The following IFRD1 variants were observed in gnomAD, a reference collection of about 807,000 sequenced individuals.
The protein encoded by IFRD1 is interferon related developmental regulator 1.
Under a neutral mutation model 52.9 loss-of-function variants are expected in IFRD1, and 35 were observed. The ratio of observed to expected loss-of-function variants is 0.66; its 90% CI spans 0.51 to 0.88. IFRD1 has a LOEUF of 0.88. Ranked by LOEUF, IFRD1 falls within the 40% of genes least tolerant of loss-of-function variation. The pLI is 0.00. For synonymous variants in IFRD1, 184 were observed against 188.4 expected, an observed-to-expected ratio of 0.98 and a Z score of 0.19; for missense variants, 517 against 550.8, an observed-to-expected ratio of 0.94 and a Z score of 0.61.
rs567237934 is a variant in IFRD1, at chr7:112,443,376, C to G, written c.-181-7132C>G. Among the ~76,000 whole-genome samples the G allele has an allele frequency of 2.0e-5, 3 of 148,208 alleles. No homozygotes were observed. The South Asian group carries it at 6.6e-4, about 32-fold the overall frequency. On this transcript the variant is annotated intron_variant, in intron 1 of 12. Transcript: ENST00000005558. ...ACTGCTTGAGCCCAGGAGTTTGAGACCAGCCTAGGCAACACAGCAAGACCT... is the reference window on the plus strand; with the variant it reads ...ACTGCTTGAGCCCAGGAGTTTGAGAGCAGCCTAGGCAACACAGCAAGACCT...
chr7:112,457,602 G>A (rs941670524), intron 4 of IFRD1: 6 of 152,726 alleles, frequency 3.9e-5, no homozygotes, highest in Non-Finnish European at 8.7e-5. Flanking sequence ...CTTGTGACTC[G>A]GCATGGTGGT....
intron 4 of IFRD1, chr7:112,457,502 C>T (rs569732816): frequency 2.8e-4 from 46 of 166,844 alleles, no homozygotes; most frequent in Admixed American, 4.2e-4. Flanking sequence ...CTTTTAAGAC[C>T]AAAGAGAAAT....
intron 1 of IFRD1, among the ~76,000 whole-genome samples, chr7:112,426,019 C>G (rs1278403284): frequency 5.9e-5 from 9 of 152,166 alleles, no homozygotes; most frequent in Admixed American, 5.9e-4. Context: ...CATCAGGCCA[C>G]TTGTCTCTGG....
chr7:112,450,925 A>C (rs746589403), intron 1 of IFRD1, 143 bp downstream of exon 1: 113 of 701,506 alleles, frequency 1.6e-4, no homozygotes, highest in Non-Finnish European at 2.5e-4. Context: ...ACTGAACTAC[A>C]ATTCCCAGCG....
In IFRD1 at chr7:112,472,273, G is replaced by C; in HGVS notation, c.1096G>C (p.Asp366His). ...ATTTGGTCCTGAACGCATGTATATTGATTGCTGGGTAAAAAAACACACCTA... is the reference window on the plus strand; with the variant it reads ...ATTTGGTCCTGAACGCATGTATATTCATTGCTGGGTAAAAAAACACACCTA... The part of the protein sequence containing the change: ...IKFGPERMYI[D>H]CWVKKHTYDT... Residue 366 changes from aspartate (D) to histidine (H), a missense_variant, in exon 10 of 12, where the codon GAT becomes CAT. Asp to His is a moderately conservative substitution (Grantham distance 81, BLOSUM62 -1). Coordinates refer to ENST00000403825, the MANE Select transcript of IFRD1 (RefSeq NM_001550.4). 1 of 1,613,994 alleles carries C rather than the reference G, an allele frequency of 6.2e-7. No homozygotes were observed. Among genetic ancestry groups the C allele is most frequent in the Non-Finnish European group, 8.5e-7 (1 of 1,179,904 alleles).
At chr7:112,451,453 G>C (rs1029931497) in intron 1 of IFRD1, among the ~76,000 whole-genome samples, 1 of 152,182 alleles carries the variant, frequency 6.6e-6, no homozygotes, top group Non-Finnish European at 1.5e-5. Flanking sequence ...CACCCGAGGC[G>C]ACCTCCTGCT....
intron 5 of IFRD1, among the ~76,000 whole-genome samples, chr7:112,460,245 T>TG (rs1554507783): frequency 7.4e-6 from 1 of 134,422 alleles, no homozygotes; most frequent in Non-Finnish European, 1.7e-5. Context: ...CCTAGGGTTT[T>TG]TTTTTTTTTT....
intron 1 of IFRD1, among the ~76,000 whole-genome samples, chr7:112,439,582 T>G (rs1334919575): frequency 1.3e-5 from 2 of 152,208 alleles, no homozygotes; most frequent in African/African-American, 4.8e-5. Context: ...TCTATGTTCT[T>G]TAACCCTTCT....
At chr7:112,453,620 C>T (rs1795218234) in intron 1 of IFRD1, among the ~76,000 whole-genome samples, 1 of 152,140 alleles carries the variant, frequency 6.6e-6, no homozygotes, top group African/African-American at 2.4e-5. Context: ...AGATGACACT[C>T]ATCTGTTGCC....
intron 1 of IFRD1, among the ~76,000 whole-genome samples, chr7:112,432,798 G>A (rs1317443167): frequency 6.6e-6 from 1 of 152,200 alleles, no homozygotes; most frequent in Admixed American, 6.5e-5. Flanking sequence ...TTCAGCAGGT[G>A]AGAAAAGTAA....
intron 8 of IFRD1, among the ~76,000 whole-genome samples, chr7:112,464,627 G>T (rs1795563317): frequency 6.6e-6 from 1 of 152,184 alleles, no homozygotes; most frequent in African/African-American, 2.4e-5. Flanking sequence ...TGGTTGAATT[G>T]AGTATTGCAT....
rs192770035 is a variant in IFRD1, at chr7:112,457,221, C to T, written c.409+183C>T. On this transcript the variant is annotated intron_variant, in intron 4 of 11. Transcript: ENST00000403825. ...TTGTTAGAACTTTGTTTTTGTATTA[C>T]GTAAACCAAAAAAAAATAGCTTGAA... The T allele has an allele frequency of 9.9e-4, 641 of 648,166 alleles. 3 individuals are homozygous for T. Among genetic ancestry groups the T allele is most frequent in the Non-Finnish European group, 1.4e-3 (530 of 373,138 alleles). 40.2% of individuals were successfully genotyped at this position (648,166 alleles called of 1,614,324 possible). A position where few individuals can be genotyped will look rare whatever the true frequency, so the allele number is the denominator to read the frequency against.
intron 1 of IFRD1, among the ~76,000 whole-genome samples, chr7:112,445,259 G>T (rs201586348): frequency 6.6e-6 from 1 of 151,776 alleles, no homozygotes; most frequent in South Asian, 2.1e-4. Flanking sequence ...GTAGAGACGG[G>T]GTTTCACCGT....
At chr7:112,467,816 A>C in intron 8 of IFRD1, 165 bp from the exon 9 acceptor site, 2 of 684,728 alleles carry the variant, frequency 2.9e-6, no homozygotes, top group Admixed American at 4.8e-5. Context: ...CGATTTTTGC[A>C]TGAAAACATG....
chr7:112,445,366 G>A (rs541532245), intron 1 of IFRD1, among the ~76,000 whole-genome samples: 4 of 152,178 alleles, frequency 2.6e-5, no homozygotes, highest in Non-Finnish European at 5.9e-5. Context: ...CCGCCCGGCC[G>A]GCCTAGGCTT....
intron 8 of IFRD1, among the ~76,000 whole-genome samples, chr7:112,463,024 C>T (rs1286873911): frequency 2.6e-5 from 4 of 152,140 alleles, no homozygotes; most frequent in Admixed American, 2.6e-4. Context: ...CTCGGGCAAA[C>T]TGGGTCATTT....
chr7:112,472,040 C>T (rs1396677401), intron 9 of IFRD1, among the ~76,000 whole-genome samples, 179 bp from the exon 10 acceptor site: 1 of 152,194 alleles, frequency 6.6e-6, no homozygotes, highest in Non-Finnish European at 1.5e-5. Context: ...TAGACCAATT[C>T]TACACCCTTA....
upstream of IFRD1, among the ~76,000 whole-genome samples, chr7:112,447,706 T>C (rs1795061854): frequency 6.6e-6 from 1 of 152,238 alleles, no homozygotes; most frequent in Admixed American, 6.5e-5. Flanking sequence ...TTTGGAGTCT[T>C]CTAATTTCTT....
rs557590812 is a variant in IFRD1 at position 112,425,810 on chromosome 7, A to G, written c.-182+2378A>G. Among the ~76,000 whole-genome samples the G allele has an allele frequency of 9.2e-4, 140 of 152,314 alleles. 1 individual carries two copies. Among genetic ancestry groups the G allele is most frequent in the Non-Finnish European group, 7.4e-5 (5 of 68,026 alleles). On this transcript the variant is annotated intron_variant, in intron 1 of 12. Coordinates refer to the IFRD1 transcript ENST00000005558. ...CTACTCCTTCAAGAAAAACAAAACA[A>G]ACAAAAACACCACCACCTATTACTC...
Sources: allele counts gnomAD v4.1 joint callset (sites outside exome capture counted in the v4.1 genomes callset), GRCh38; gene constraint gnomAD v4.1.1; transcripts MANE v1.5; gene names NCBI Gene and HGNC (gene_info 2026-07-23, HGNC 2026-07-21).